The following PARD3 variants were observed in gnomAD, a reference collection of about 807,000 sequenced individuals.
The protein encoded by PARD3 is par-3 family cell polarity regulator.
In PARD3, 75 loss-of-function variants were observed where a neutral mutation model predicts 155.4. The ratio of observed to expected loss-of-function variants is 0.48; its 90% confidence interval spans 0.40 to 0.58. PARD3 has a LOEUF of 0.58. Among genes scored for constraint, PARD3 ranks in the 20% least tolerant of loss-of-function variants. PARD3 has a pLI of 0.00. For synonymous variants in PARD3, 576 were observed against 610.5 expected (o/e 0.94, Z 0.83); for missense variants, 1,642 against 1,721.7 (o/e 0.95, Z 0.82).
At chr10:34,488,317 ATTTT>A (rs1469912750) in intron 3 of PARD3, among the ~76,000 whole-genome samples, 2 of 151,278 alleles carry the variant, frequency 1.3e-5, no homozygotes, top group African/African-American at 4.9e-5. Flanking sequence ...TTATTTATTT[ATTTT>A]TATTTATTTA....
At chr10:34,388,791 T>C (rs973026932) in intron 7 of PARD3, among the ~76,000 whole-genome samples, 54 of 152,134 alleles carry the variant, frequency 3.5e-4, no homozygotes, top group African/African-American at 1.2e-3. Flanking sequence ...TTGCAAAAAA[T>C]AAAAGAGGTA....
chr10:34,369,870 C>CT (rs1840405603), intron 12 of PARD3, among the ~76,000 whole-genome samples: 1 of 152,084 alleles, frequency 6.6e-6, no homozygotes, highest in South Asian at 2.1e-4. Context: ...GACCTAGAAC[C>CT]TAAAACAAGT....
At chr10:34,321,195 T>C (rs1037817829) in intron 19 of PARD3, among the ~76,000 whole-genome samples, 12 of 152,198 alleles carry the variant, frequency 7.9e-5, no homozygotes, top group East Asian at 1.9e-4. Context: ...TATAATTAGG[T>C]ACATAAAATA....
chr10:34,726,485 C>G (rs931808615), intron 1 of PARD3, among the ~76,000 whole-genome samples: 1 of 151,898 alleles, frequency 6.6e-6, no homozygotes, highest in Non-Finnish European at 1.5e-5. Context: ...ACTCGGGAGG[C>G]TGAGGCAGAA....
intron 22 of PARD3, among the ~76,000 whole-genome samples, chr10:34,173,200 G>C (rs963403578): frequency 9.2e-5 from 14 of 152,144 alleles, no homozygotes; most frequent in African/African-American, 3.4e-4. Context: ...GAAAAACCCC[G>C]AAGTCTTGCA....
chr10:34,320,016 A>C (rs1420752240), intron 19 of PARD3, among the ~76,000 whole-genome samples: 2 of 152,176 alleles, frequency 1.3e-5, no homozygotes, highest in African/African-American at 4.8e-5. Context: ...ACAATCTTTT[A>C]TTATTGCACT....
chr10:34,641,212 T>C (rs1010489255), intron 2 of PARD3, among the ~76,000 whole-genome samples: 1 of 152,154 alleles, frequency 6.6e-6, no homozygotes, highest in Non-Finnish European at 1.5e-5. Flanking sequence ...TTAAAAGAAC[T>C]CCGATAATGA....
intron 12 of PARD3, among the ~76,000 whole-genome samples, chr10:34,362,541 G>GTGGAA (rs1307182829): frequency 6.6e-6 from 1 of 152,072 alleles, no homozygotes; most frequent in Non-Finnish European, 1.5e-5. Context: ...GTCACCCAAG[G>GTGGAA]TGGAATGCGG....
chr10:34,784,303 A>T (rs1411497845), intron 1 of PARD3, among the ~76,000 whole-genome samples: 1 of 152,174 alleles, frequency 6.6e-6, no homozygotes, highest in Non-Finnish European at 1.5e-5. Flanking sequence ...AAAGAAAGAA[A>T]ACTGCAGCCC....
At chr10:34,762,743 T>C (rs1435597241) in intron 1 of PARD3, among the ~76,000 whole-genome samples, 2 of 152,182 alleles carry the variant, frequency 1.3e-5, no homozygotes, top group Non-Finnish European at 2.9e-5. Context: ...GAAGAAACAC[T>C]AGCCATTTGT....
intron 12 of PARD3, among the ~76,000 whole-genome samples, chr10:34,364,195 G>T (rs1243202562): frequency 1.3e-5 from 2 of 152,146 alleles, no homozygotes; most frequent in Non-Finnish European, 2.9e-5. Flanking sequence ...ATCATGGGAA[G>T]GGTAATCTCT....
At chr10:34,755,517 T>C (rs1001008379) in intron 1 of PARD3, among the ~76,000 whole-genome samples, 1 of 152,188 alleles carries the variant, frequency 6.6e-6, no homozygotes, top group Admixed American at 6.5e-5. Flanking sequence ...AACTAGCAAC[T>C]TGAGAGGTCA....
At chr10:34,738,450 G>C (rs2094954203) in intron 1 of PARD3, among the ~76,000 whole-genome samples, 1 of 152,182 alleles carries the variant, frequency 6.6e-6, no homozygotes, top group African/African-American at 2.4e-5. Context: ...AAAGTGCTGG[G>C]GTTATAGGTG....
intron 21 of PARD3, among the ~76,000 whole-genome samples, chr10:34,273,863 G>C (rs1287316059): frequency 6.6e-6 from 1 of 152,006 alleles, no homozygotes; most frequent in Non-Finnish European, 1.5e-5. Flanking sequence ...GATCAAATCT[G>C]TCTGACTTTT....
At chr10:34,720,858 G>A (rs1240674463) in intron 1 of PARD3, among the ~76,000 whole-genome samples, 4 of 151,922 alleles carry the variant, frequency 2.6e-5, no homozygotes, top group Admixed American at 2.6e-4. Context: ...ATCTGCCAGA[G>A]CATACACAAC....
At chr10:34,553,769 T>C (rs964946661) in intron 2 of PARD3, among the ~76,000 whole-genome samples, 2 of 152,210 alleles carry the variant, frequency 1.3e-5, no homozygotes, top group African/African-American at 4.8e-5. Flanking sequence ...GCTCAACACA[T>C]AAATAAGCAA....
At chr10:34,612,578 T>A (rs2090988831) in intron 2 of PARD3, among the ~76,000 whole-genome samples, 1 of 152,258 alleles carries the variant, frequency 6.6e-6, no homozygotes, top group Non-Finnish European at 1.5e-5. Flanking sequence ...CTTAGGAATT[T>A]CACCCAACTT....
chr10:34,171,513 G>A (rs148518172), intron 22 of PARD3, among the ~76,000 whole-genome samples: 41 of 152,256 alleles, frequency 2.7e-4, no homozygotes, highest in Admixed American at 2.7e-3. Context: ...GTAAAAACAT[G>A]GATTTTGACA....
At chr10:34,464,963 T>C (rs2077911987) in intron 4 of PARD3, among the ~76,000 whole-genome samples, 2 of 152,136 alleles carry the variant, frequency 1.3e-5, no homozygotes, top group Admixed American at 6.5e-5. Context: ...CCAAAATCCA[T>C]AGATGCTGAA....
Sources: gnomAD v4.1 joint callset for allele counts (sites outside exome capture counted in the v4.1 genomes callset) on GRCh38, gnomAD v4.1.1 for gene constraint, MANE v1.5 for transcripts, NCBI Gene and HGNC (gene_info 2026-07-23, HGNC 2026-07-21) for gene names.